The following C17orf67 variants were observed in gnomAD, a reference collection of about 807,000 sequenced individuals.
C17orf67 encodes uncharacterized protein C17orf67.
Under a neutral mutation model 11.2 loss-of-function variants are expected in C17orf67, and 12 were observed. The ratio of observed to expected loss-of-function variants is 1.07; its 90% CI spans 0.68 to 1.73. The LOEUF (loss-of-function observed/expected upper bound fraction) is 1.73. Ranked by LOEUF, C17orf67 falls within the 40% of genes most tolerant of loss-of-function variation. C17orf67 has a pLI of 0.00. For missense variants in C17orf67, 115 were observed against 113.5 expected (o/e 1.01, Z -0.06); for synonymous variants, 59 against 46.9 (o/e 1.26, Z -1.05).
At chr17:56,820,767 CTTT>C (rs746734939) in intron 4 of C17orf67, among the ~76,000 whole-genome samples, 56 of 122,490 alleles carry the variant, frequency 4.6e-4, no homozygotes, top group South Asian at 1.1e-3. Context: ...GTGAGTTTCC[CTTT>C]TTTTTTTTTT....
rs1905747714 is a variant in C17orf67 at position 56,815,815 on chromosome 17, C to T, written c.-5G>A. 1 of 1,613,758 alleles carries T rather than the reference C, an allele frequency of 6.2e-7. No homozygotes were observed. The highest frequency in any genetic ancestry group is 8.5e-7 in the Non-Finnish European group (1 of 1,179,882). On this transcript the variant is annotated 5_prime_UTR_variant, in exon 5 of 8. Transcript: ENST00000397861. ...GAGCACAGGCAATGTCTTCATCCTG[C>T]CTTGGTTCCTCTGCCTCTTGCTGAG...
intron 6 of C17orf67, chr17:56,804,101 C>A (rs1421174422): frequency 6.6e-6 from 1 of 152,094 alleles, no homozygotes; most frequent in Non-Finnish European, 1.5e-5. Flanking sequence ...GGGTGTAAAT[C>A]AAAGCAAAAC....
At chr17:56,826,698 G>A (rs1906041629) in intron 2 of C17orf67, among the ~76,000 whole-genome samples, 1 of 152,254 alleles carries the variant, frequency 6.6e-6, no homozygotes, top group African/African-American at 2.4e-5. Context: ...AAGGTTCTCA[G>A]AGAAGTAGCA....
chr17:56,794,967 G>A, intron 7 of C17orf67, 77 bp downstream of exon 7: 1 of 1,061,198 alleles, frequency 9.4e-7, no homozygotes, highest in Non-Finnish European at 1.4e-6. Flanking sequence ...GCATGGTCTG[G>A]AAAGTCTCCC....
At chr17:56,813,606 T>C (rs1905683719) in intron 6 of C17orf67, among the ~76,000 whole-genome samples, 1 of 151,398 alleles carries the variant, frequency 6.6e-6, no homozygotes, top group Admixed American at 6.6e-5. Flanking sequence ...CCTAAGAGCC[T>C]GAAGTCATCT....
chr17:56,830,238 G>A (rs911352246), intron 2 of C17orf67, among the ~76,000 whole-genome samples: 6 of 151,922 alleles, frequency 3.9e-5, no homozygotes, highest in East Asian at 3.9e-4. Context: ...CCAGCTACTC[G>A]GGAGGCTGAG....
intron 2 of C17orf67, among the ~76,000 whole-genome samples, chr17:56,830,153 C>G (rs1906154838): frequency 6.6e-6 from 1 of 151,410 alleles, no homozygotes; most frequent in South Asian, 2.1e-4. Context: ...ACCATCCTCG[C>G]TAACATGGTG....
chr17:56,814,820 C>G (rs1180539879), intron 6 of C17orf67, 49 bp downstream of exon 6: 1 of 1,549,282 alleles, frequency 6.5e-7, no homozygotes, highest in Non-Finnish European at 8.9e-7. Flanking sequence ...TAGTGAATGG[C>G]ATTCAAATGA....
intron 2 of C17orf67, among the ~76,000 whole-genome samples, chr17:56,829,444 C>A (rs1906132326): frequency 6.6e-6 from 1 of 152,160 alleles, no homozygotes. Flanking sequence ...ATGGGAGTCA[C>A]CCCATCACAA....
rs536203587 is a variant in C17orf67, at chr17:56,829,998, A to G, written c.-557+2900T>C. ...TATTTTTTCTAGAGTTATAGTCCCA[A>G]CAATTTTAAGTCATAAGTTAAAGCA... On this transcript the variant is annotated intron_variant, in intron 2 of 7. Transcript: ENST00000397861. 3.4e-4 allele frequency among the ~76,000 whole-genome samples: 52 copies of G among 152,298 alleles called. No homozygotes were observed. In the South Asian group the frequency reaches 0.011, roughly 31 times the overall value.
chr17:56,797,954 G>A (rs761253372), intron 6 of C17orf67, among the ~76,000 whole-genome samples: 1 of 152,192 alleles, frequency 6.6e-6, no homozygotes, highest in Non-Finnish European at 1.5e-5. Context: ...AATAAAATGT[G>A]ATTTCTCTTG....
At chr17:56,832,478 T>A (rs1906239135) in intron 2 of C17orf67, among the ~76,000 whole-genome samples, 1 of 152,012 alleles carries the variant, frequency 6.6e-6, no homozygotes, top group Non-Finnish European at 1.5e-5. Context: ...ACATCAGGAG[T>A]ATCCTTCTCA....
At chr17:56,819,033 TC>T (rs1905832398) in intron 4 of C17orf67, among the ~76,000 whole-genome samples, 1 of 152,178 alleles carries the variant, frequency 6.6e-6, no homozygotes, top group Non-Finnish European at 1.5e-5. Context: ...CAGTTAGACC[TC>T]ATCACTTCCA....
At chr17:56,820,755 G>A (rs1051814015) in intron 4 of C17orf67, among the ~76,000 whole-genome samples, 1 of 149,580 alleles carries the variant, frequency 6.7e-6, no homozygotes, top group Non-Finnish European at 1.5e-5. Context: ...CTTTTTGTTT[G>A]GGTGAGTTTC....
intron 2 of C17orf67, among the ~76,000 whole-genome samples, chr17:56,828,543 T>G (rs1407583315): frequency 6.6e-6 from 1 of 152,182 alleles, no homozygotes; most frequent in Non-Finnish European, 1.5e-5. Context: ...GTTTATATTT[T>G]GAAATCTGTC....
chr17:56,806,328 T>C (rs1905451570), intron 6 of C17orf67, among the ~76,000 whole-genome samples: 2 of 152,170 alleles, frequency 1.3e-5, no homozygotes, highest in South Asian at 2.1e-4. Flanking sequence ...AATTTTTCAA[T>C]AGTACGTGTG....
intron 6 of C17orf67, among the ~76,000 whole-genome samples, chr17:56,809,963 C>T (rs1905568433): frequency 1.4e-5 from 2 of 147,964 alleles, no homozygotes. Flanking sequence ...TCCTCACTCA[C>T]CTCACACACA....
intron 7 of C17orf67, among the ~76,000 whole-genome samples, chr17:56,793,675 G>C (rs1245303310): frequency 6.6e-6 from 1 of 152,222 alleles, no homozygotes; most frequent in African/African-American, 2.4e-5. Context: ...CTGGAAATCA[G>C]AAAGTCAAAC....
chr17:56,820,506 GATGTGGGAAGAAACCGA>G (rs1362704615), intron 4 of C17orf67, among the ~76,000 whole-genome samples: 1 of 152,080 alleles, frequency 6.6e-6, no homozygotes, highest in Non-Finnish European at 1.5e-5. Flanking sequence ...ACAGCTTTAG[GATGTGGGAAGAAACCGA>G]AGTACCCAGA....
Sources: gnomAD v4.1 joint callset for allele counts (sites outside exome capture counted in the v4.1 genomes callset) on GRCh38, gnomAD v4.1.1 for gene constraint, MANE v1.5 for transcripts, NCBI Gene and HGNC (gene_info 2026-07-23, HGNC 2026-07-21) for gene names.